The following MCFD2 variants were observed in gnomAD, a reference collection of about 807,000 sequenced individuals.
MCFD2 encodes multiple coagulation factor deficiency 2, ER cargo receptor complex subunit.
In MCFD2, 11 loss-of-function variants were observed where a neutral mutation model predicts 12.8. The ratio of observed to expected loss-of-function variants is 0.86; its 90% confidence interval spans 0.54 to 1.42. MCFD2 has a LOEUF of 1.42. Among genes scored for constraint, MCFD2 ranks in the 40% most tolerant of loss-of-function variants. The pLI, the probability that MCFD2 is intolerant of heterozygous loss-of-function variation, is 0.00. For synonymous variants in MCFD2, 70 were observed against 68.1 expected (o/e 1.03, Z -0.14); for missense variants, 191 against 178.6 (o/e 1.07, Z -0.40).
In MCFD2 at chr2:46,927,884, G is replaced by GTT. The variant is rs566447236; in HGVS notation, c.-8+13686_-8+13687dup. On this transcript the variant is annotated intron_variant, in intron 1 of 2. Coordinates refer to the MCFD2 transcript ENST00000409147. ...ACACTAATATTGGGGTTTTTTTGGT[G>GTT]TTTTTTTTTTTTTTTTTTTTTTTTT... Among the ~76,000 whole-genome samples, 407 of 73,324 alleles carry GTT rather than the reference G, an allele frequency of 5.6e-3. 42 individuals carry two copies. Among genetic ancestry groups the GTT allele is most frequent in the African/African-American group, 0.012 (203 of 17,072 alleles). The allele number at this position is 73,324 out of a possible 152,430, so 48.1% of individuals were successfully genotyped here. A position where few individuals can be genotyped will look rare whatever the true frequency, so the allele number is the denominator to read the frequency against.
At position 46,905,306 on chromosome 2, in the gene MCFD2, C is replaced by T. The variant is rs990358730; in HGVS notation, c.*157G>A. 5.2e-6 allele frequency: 4 copies of T among 769,926 alleles called. No homozygotes were observed. The highest frequency in any genetic ancestry group is 9.1e-6 in the Non-Finnish European group (4 of 440,932). 47.7% of individuals were successfully genotyped at this position (769,926 alleles called of 1,614,324 possible). Reference sequence around the variant, plus strand: ...GTCCCATTTCTCTTCTCTTTCATTTCTCTTATCTCTTCTCACCCCAGTGTA... The same window carrying T: ...GTCCCATTTCTCTTCTCTTTCATTTTTCTTATCTCTTCTCACCCCAGTGTA... On this transcript the variant is annotated 3_prime_UTR_variant, in exon 4 of 4. Transcript: ENST00000319466.
At chr2:46,915,806 G>GGGGGGGGGGGGGCC, upstream of MCFD2, 1 of 512,580 alleles carries the variant, frequency 2.0e-6, no homozygotes, top group Non-Finnish European at 2.1e-6. Context: ...CCTCGGCTTC[G>GGGGGGGGGGGGGCC]CCCCGCCCCC....
At chr2:46,925,325 A>G (rs1457223711) in intron 1 of MCFD2, among the ~76,000 whole-genome samples, 1 of 152,186 alleles carries the variant, frequency 6.6e-6, no homozygotes, top group East Asian at 1.9e-4. Flanking sequence ...TGGGAGGCTA[A>G]GGTGGGCGGA....
At position 46,909,147 on chromosome 2, in the gene MCFD2, T is replaced by A; in HGVS notation, c.25A>T (p.Thr9Ser). 6.2e-7 allele frequency: 1 copy of A among 1,613,810 alleles called. No homozygotes were observed. The highest frequency in any genetic ancestry group is 8.5e-7 in the Non-Finnish European group (1 of 1,179,946). MTMRSLLR[T>S]PFLCGLLWAF... is the part of the protein sequence containing the mutation. ...CAGAGCAGGCCACACAGGAAGGGGGTTCTGAGCAGGGATCTCATGGTCATC... is the reference window on the plus strand; with the variant it reads ...CAGAGCAGGCCACACAGGAAGGGGGATCTGAGCAGGGATCTCATGGTCATC... Residue 9 changes from threonine (T) to serine (S), a missense_variant, in exon 2 of 4, where the codon ACC (threonine) becomes TCC (serine). By Grantham distance (58) the Thr-to-Ser change is moderately conservative. Coordinates refer to ENST00000319466, the MANE Select transcript of MCFD2 (RefSeq NM_139279.6).
rs1489770738 is a variant in MCFD2 at position 46,941,694 on chromosome 2, C to G, written c.-130G>C. On this transcript the variant is annotated 5_prime_UTR_variant, in exon 1 of 3. Coordinates refer to the MCFD2 transcript ENST00000409147. The surrounding 1 kb of genome is among the most constrained non-coding windows in gnomAD (Gnocchi z 4.2). ...GCGGCGGAGGTAACAGGCGAGGCAG[C>G]CCGAGCGCAGCGTTCACCTTTCCGG... is the stretch of plus-strand genomic sequence containing the variant. 1 of 1,550,948 alleles carries G rather than the reference C, an allele frequency of 6.4e-7. No individual in the cohort carries two copies. Among genetic ancestry groups the G allele is most frequent in the Non-Finnish European group, 8.7e-7 (1 of 1,147,490 alleles).
Position 46,915,727 on chromosome 2 carries a change from A to G in MCFD2, c.-11T>C. ...AGAGTGCGCTAGTTCACTCACCCTT[A>G]CGGTCTCCGAAGCAGACGCGAAGCC... On this transcript the variant is annotated 5_prime_UTR_variant, in exon 1 of 4. Transcript: ENST00000319466. 1 of 973,050 alleles carries G rather than the reference A, an allele frequency of 1.0e-6. No individual in the cohort carries two copies. Among genetic ancestry groups the G allele is most frequent in the Non-Finnish European group, 1.2e-6 (1 of 820,228 alleles). 60.3% of individuals were successfully genotyped at this position (973,050 alleles called of 1,614,324 possible).
chr2:46,932,109 A>G (rs189596368), intron 1 of MCFD2, among the ~76,000 whole-genome samples: 67 of 152,254 alleles, frequency 4.4e-4, no homozygotes, highest in African/African-American at 1.6e-3. Context: ...AACTTCCTAA[A>G]TCTGAGAAAA....
intron 1 of MCFD2, among the ~76,000 whole-genome samples, chr2:46,931,573 T>C (rs1350094237): frequency 6.6e-6 from 1 of 152,038 alleles, no homozygotes; most frequent in Non-Finnish European, 1.5e-5. Flanking sequence ...GTGATGAGCT[T>C]TGAAGATGTA....
intron 1 of MCFD2, among the ~76,000 whole-genome samples, chr2:46,911,151 C>G (rs759235081): frequency 1.3e-5 from 2 of 152,044 alleles, no homozygotes; most frequent in Non-Finnish European, 2.9e-5. Flanking sequence ...TTTTTTGAGA[C>G]AGAGTCTTGT....
In MCFD2 at chr2:46,926,862, A is replaced by G. The variant is rs79889151; in HGVS notation, c.-8+14710T>C. 3.3e-5 allele frequency among the ~76,000 whole-genome samples: 5 copies of G among 152,342 alleles called. No homozygotes were observed. In the East Asian group the frequency reaches 9.6e-4, roughly 29 times the overall value. Reference sequence around the variant, plus strand: ...TGTTAAACACTGCTTACTATCTTCAAAGAAATAAAAGCCAAATTTAAAAAT... The same window carrying G: ...TGTTAAACACTGCTTACTATCTTCAGAGAAATAAAAGCCAAATTTAAAAAT... On this transcript the variant is annotated intron_variant, in intron 1 of 2. Coordinates refer to the MCFD2 transcript ENST00000409147.
chr2:46,933,667 G>A (rs540621627), intron 1 of MCFD2, among the ~76,000 whole-genome samples: 2 of 152,328 alleles, frequency 1.3e-5, no homozygotes, highest in South Asian at 2.1e-4. Flanking sequence ...CGAATGTAGC[G>A]ATCCTGAGCC....
At chr2:46,906,999 T>C (rs1668268455) in intron 3 of MCFD2, 1 of 152,282 alleles carries the variant, frequency 6.6e-6, no homozygotes, top group East Asian at 1.9e-4. Flanking sequence ...CCACTGAAAA[T>C]GGAAGTATTA....
intron 1 of MCFD2, among the ~76,000 whole-genome samples, chr2:46,939,004 C>G (rs2103869097): frequency 7.2e-6 from 1 of 137,956 alleles, no homozygotes; most frequent in African/African-American, 2.8e-5. Context: ...GAGCGAGACT[C>G]TGTCTCAAAA....
Position 46,902,988 on chromosome 2 carries a change from T to C in MCFD2, c.*2475A>G, listed in dbSNP as rs1451839308. On this transcript the variant is annotated 3_prime_UTR_variant, in exon 4 of 4. Coordinates refer to ENST00000319466, the MANE Select transcript of MCFD2 (RefSeq NM_139279.6). ...AGTACTCAGCTCCAATTATCTAATATTCTTGAAAGGATGCTGATATGGTTT... is the reference window on the plus strand; with the variant it reads ...AGTACTCAGCTCCAATTATCTAATACTCTTGAAAGGATGCTGATATGGTTT... 1 of 152,218 alleles carries C rather than the reference T, an allele frequency of 6.6e-6. No individual in the cohort carries two copies. The highest frequency in any genetic ancestry group is 1.5e-5 in the Non-Finnish European group (1 of 68,028). The allele number at this position is 152,218 out of a possible 1,614,324, so 9.4% of individuals were successfully genotyped here.
At chr2:46,922,075 G>T (rs1558473023) in intron 1 of MCFD2, among the ~76,000 whole-genome samples, 1 of 152,184 alleles carries the variant, frequency 6.6e-6, no homozygotes, top group Non-Finnish European at 1.5e-5. Flanking sequence ...GAGGAAAGCT[G>T]ATTAGCTGGC....
chr2:46,933,926 G>C (rs549763658), intron 1 of MCFD2, among the ~76,000 whole-genome samples: 2 of 152,160 alleles, frequency 1.3e-5, no homozygotes, highest in African/African-American at 4.8e-5. Flanking sequence ...GAAAGAAGAG[G>C]CCAGAGTGGA....
intron 1 of MCFD2, among the ~76,000 whole-genome samples, chr2:46,928,984 A>G (rs181517561): frequency 1.5e-4 from 22 of 151,454 alleles, no homozygotes; most frequent in Non-Finnish European, 2.9e-4. Context: ...CCAACATGGC[A>G]AAACTCTGTC....
At position 46,902,279 on chromosome 2, in the gene MCFD2, G is replaced by A. The variant is rs1326243039; in HGVS notation, c.*3184C>T. ...AATCCATGTATCTAGGCTAAAAGAG[G>A]TAACTTCAACAATATCCCTCTTGAC... On this transcript the variant is annotated 3_prime_UTR_variant, in exon 4 of 4. Transcript: ENST00000319466. 1 of 152,610 alleles carries A rather than the reference G, an allele frequency of 6.6e-6. No homozygotes were observed. Among genetic ancestry groups the A allele is most frequent in the Non-Finnish European group, 1.5e-5 (1 of 68,034 alleles). 9.5% of individuals were successfully genotyped at this position (152,610 alleles called of 1,614,324 possible).
intron 3 of MCFD2, 182 bp from the exon 4 acceptor site, chr2:46,905,776 T>C: frequency 3.0e-6 from 2 of 656,294 alleles, no homozygotes; most frequent in Non-Finnish European, 5.5e-6. Flanking sequence ...CAATGGAGTA[T>C]GGGGCTACTT....
Sources: gnomAD v4.1 joint callset for allele counts (sites outside exome capture counted in the v4.1 genomes callset) on GRCh38, gnomAD v4.1.1 for gene constraint, Gnocchi (gnomAD v3.1) non-coding constraint, MANE v1.5 for transcripts, NCBI Gene and HGNC (gene_info 2026-07-23, HGNC 2026-07-21) for gene names.